ADAM20: variants seen among roughly 807,000 people sequenced by gnomAD.
ADAM20 encodes the protein ADAM metallopeptidase domain 20, also known as disintegrin and metalloproteinase domain-containing protein 20.
For synonymous variants in ADAM20, 305 were observed against 310.2 expected (o/e 0.98, Z 0.18); for missense variants, 871 against 883.2 (o/e 0.99, Z 0.18).
At chr14:70,578,259 G>A in the ADAM20 span, among the ~76,000 whole-genome samples, 1 of 152,118 alleles carries the variant, frequency 6.6e-6, no homozygotes, top group Admixed American at 6.5e-5. Context: ...ACCCTATTCA[G>A]TAAGTGGTGC....
the ADAM20 span, among the ~76,000 whole-genome samples, chr14:70,546,102 C>A: frequency 2.0e-5 from 3 of 152,196 alleles, no homozygotes; most frequent in South Asian, 6.2e-4. Flanking sequence ...TCCTGAATGG[C>A]CACTGTGATC....
chr14:70,523,080 TGATA>T lies in ADAM20; in HGVS notation c.1674_1677del (p.Asp558GlufsTer13). ...TTTTCACACTGAACCCTCCCACACA[TGATA>T]TCAGGGGTCCAACATTTTACATATG... On this transcript the variant is annotated frameshift_variant, in exon 2 of 2. Coordinates refer to ENST00000256389, the MANE Select transcript of ADAM20 (RefSeq NM_003814.5). LOFTEE classifies it low-confidence loss of function (END_TRUNC). The T allele has an allele frequency of 6.2e-7, 1 of 1,613,962 alleles. No homozygotes were observed. The highest frequency in any genetic ancestry group is 8.5e-7 in the Non-Finnish European group (1 of 1,179,928).
intron 1 of ADAM20, among the ~76,000 whole-genome samples, chr14:70,525,424 G>T (rs913170040): frequency 1.3e-5 from 2 of 151,974 alleles, no homozygotes; most frequent in African/African-American, 4.8e-5. Flanking sequence ...GTCTCACTAT[G>T]TTACCCAGGC....
the ADAM20 span, among the ~76,000 whole-genome samples, chr14:70,560,732 CTT>C: frequency 8.2e-3 from 1,252 of 152,268 alleles, 10 homozygotes; most frequent in African/African-American, 0.028. Context: ...CTCTCTCTCT[CTT>C]GCCACCATGT....
chr14:70,561,939 A>G, the ADAM20 span, among the ~76,000 whole-genome samples: 1 of 152,266 alleles, frequency 6.6e-6, no homozygotes, highest in Non-Finnish European at 1.5e-5. Context: ...CAGAGGGGAA[A>G]TGTGGGATTG....
the ADAM20 span, among the ~76,000 whole-genome samples, chr14:70,562,084 A>G: frequency 6.6e-6 from 1 of 152,206 alleles, no homozygotes; most frequent in Non-Finnish European, 1.5e-5. Flanking sequence ...GAGGCGCCCA[A>G]TGCCAGCCCA....
At chr14:70,553,164 T>A in the ADAM20 span, among the ~76,000 whole-genome samples, 4 of 38,986 alleles carry the variant, frequency 1.0e-4, no homozygotes, top group Non-Finnish European at 1.5e-4. Flanking sequence ...TGTGGTGGGG[T>A]CGGGGGAGGG....
At chr14:70,568,192 T>C in the ADAM20 span, among the ~76,000 whole-genome samples, 2 of 152,162 alleles carry the variant, frequency 1.3e-5, no homozygotes, top group Non-Finnish European at 2.9e-5. Flanking sequence ...AAATAGTGTG[T>C]CCGCTCATAT....
intron 1 of ADAM20, among the ~76,000 whole-genome samples, chr14:70,526,905 C>T (rs1177585184): frequency 6.6e-6 from 1 of 152,184 alleles, no homozygotes; most frequent in Non-Finnish European, 1.5e-5. Context: ...TTCTCAAACT[C>T]AGGTCACAAA....
chr14:70,537,238 G>T (rs1022595437), upstream of ADAM20, among the ~76,000 whole-genome samples: 1 of 152,090 alleles, frequency 6.6e-6, no homozygotes, highest in Admixed American at 6.6e-5. Context: ...ACCTCAAGGG[G>T]ACTGTGAGGG....
At chr14:70,575,583 C>G in the ADAM20 span, among the ~76,000 whole-genome samples, 1 of 152,124 alleles carries the variant, frequency 6.6e-6, no homozygotes, top group Non-Finnish European at 1.5e-5. Context: ...AGTATATGCA[C>G]ATATACAAAC....
At chr14:70,571,458 A>T in the ADAM20 span, among the ~76,000 whole-genome samples, 1 of 152,252 alleles carries the variant, frequency 6.6e-6, no homozygotes, top group East Asian at 1.9e-4. Flanking sequence ...GCTTTCCCTT[A>T]TGCCATGATT....
chr14:70,556,504 T>A, the ADAM20 span: 4 of 152,294 alleles, frequency 2.6e-5, no homozygotes, highest in East Asian at 7.7e-4. Context: ...CAGATACAGA[T>A]AACCAAGCAA....
rs1566654968 is a variant in ADAM20, at chr14:70,523,400, C to G, written c.1358G>C (p.Cys453Ser). ...PGAACAFGICCKDCKFLPSGT... is the reference protein window; with the variant it reads ...PGAACAFGICSKDCKFLPSGT... ...TGATGGCAGAAATTTGCAGTCTTTG[C>G]AACATATTCCAAAAGCACAAGCAGC... Residue 453 changes from cysteine (C) to serine (S), a missense_variant, in exon 2 of 2, where the codon TGC becomes TCC. Physicochemically the swap from Cys to Ser is moderately radical, Grantham distance 112. Transcript: ENST00000256389. The G allele has an allele frequency of 1.2e-6, 2 of 1,613,994 alleles. No homozygotes were observed. Among genetic ancestry groups the G allele is most frequent in the Admixed American group, 1.7e-5 (1 of 59,980 alleles).
upstream of ADAM20, among the ~76,000 whole-genome samples, chr14:70,536,944 CAAAA>C: frequency 8.0e-6 from 1 of 125,356 alleles, no homozygotes; most frequent in African/African-American, 2.8e-5. Context: ...CACTCCTAAC[CAAAA>C]AAAAAAAAAA....
upstream of ADAM20, among the ~76,000 whole-genome samples, chr14:70,538,126 C>G (rs914682211): frequency 6.6e-6 from 1 of 152,092 alleles, no homozygotes; most frequent in Non-Finnish European, 1.5e-5. Context: ...TCTGTCTGAA[C>G]TCTCTGCCCC....
chr14:70,556,034 C>T, the ADAM20 span, among the ~76,000 whole-genome samples: 1 of 152,210 alleles, frequency 6.6e-6, no homozygotes, highest in Non-Finnish European at 1.5e-5. Context: ...CGACTCTAGT[C>T]TCCAACGCCC....
the ADAM20 span, among the ~76,000 whole-genome samples, chr14:70,541,552 G>A: frequency 1.5e-4 from 23 of 152,064 alleles, no homozygotes; most frequent in Admixed American, 1.3e-3. Context: ...CTTACCTTAC[G>A]GTCAAACATT....
At chr14:70,557,339 C>T in the ADAM20 span, 1 of 152,130 alleles carries the variant, frequency 6.6e-6, no homozygotes, top group Admixed American at 6.5e-5. Flanking sequence ...CATAAGATTG[C>T]CACGGTTTAT....
Sources: allele counts gnomAD v4.1 joint callset (sites outside exome capture counted in the v4.1 genomes callset), GRCh38; gene constraint gnomAD v4.1.1; transcripts MANE v1.5; gene names NCBI Gene and HGNC (gene_info 2026-07-23, HGNC 2026-07-21).